SEM1: variants seen among roughly 807,000 people sequenced by gnomAD.
SEM1 encodes the protein SEM1 26S proteasome subunit.
SEM1 carries 3 observed loss-of-function variants against 12.7 expected under a neutral mutation model. The ratio of observed to expected loss-of-function variants is 0.24; its 90% CI spans 0.11 to 0.61. The LOEUF (loss-of-function observed/expected upper bound fraction) is 0.61. Ranked by LOEUF, SEM1 falls within the 20% of genes least tolerant of loss-of-function variation. SEM1 has a pLI of 0.88. For missense variants in SEM1, 59 were observed against 81.3 expected (o/e 0.73, Z 1.06); for synonymous variants, 30 against 27.8 (o/e 1.08, Z -0.25).
At chr7:96,709,577 A>G in intron 1 of SEM1, 111 bp downstream of exon 1, 1 of 961,612 alleles carries the variant, frequency 1.0e-6, no homozygotes, top group Non-Finnish European at 1.6e-6. Context: ...CGGCCCTGGG[A>G]GTCCAAACTT....
intron 2 of SEM1, among the ~76,000 whole-genome samples, chr7:96,580,330 T>G (rs1377260695): frequency 2.0e-5 from 3 of 148,098 alleles, no homozygotes; most frequent in African/African-American, 7.4e-5. Flanking sequence ...TAGTATTCCA[T>G]GGTGTATATG....
At chr7:96,481,997 C>CATT (rs1802560446) in exon 4 of SEM1, 1 of 152,116 alleles carries the variant, frequency 6.6e-6, no homozygotes, top group Admixed American at 6.6e-5. Context: ...GGATTCTTGG[C>CATT]ATTATTGAGA....
intron 2 of SEM1, among the ~76,000 whole-genome samples, chr7:96,608,904 T>A (rs930010472): frequency 9.2e-5 from 14 of 152,238 alleles, no homozygotes. Flanking sequence ...TTTTTGTGTG[T>A]ACAAATGTTT....
At chr7:96,669,521 C>T (rs1455726374), downstream of SEM1, among the ~76,000 whole-genome samples, 1 of 152,162 alleles carries the variant, frequency 6.6e-6, no homozygotes, top group Non-Finnish European at 1.5e-5. Flanking sequence ...TCTTAGGCCA[C>T]ACAAAAACAG....
At chr7:96,492,759 ATGTGTGTGTGTG>A (rs138520257) in intron 1 of SEM1, among the ~76,000 whole-genome samples, 8 of 142,992 alleles carry the variant, frequency 5.6e-5, no homozygotes, top group Admixed American at 3.6e-4. Context: ...AATAATATTC[ATGTGTGTGTGTG>A]TGTGTGTGTG....
chr7:96,618,169 T>C (rs1033470478), downstream of SEM1, among the ~76,000 whole-genome samples: 5 of 152,170 alleles, frequency 3.3e-5, no homozygotes, highest in African/African-American at 1.2e-4. Flanking sequence ...TTTTTGTTGT[T>C]GTTGGGAGAC....
intron 2 of SEM1, among the ~76,000 whole-genome samples, chr7:96,572,675 A>G (rs190101302): frequency 1.3e-5 from 2 of 152,178 alleles, no homozygotes; most frequent in East Asian, 1.9e-4. Context: ...ATTATTTTGC[A>G]TTTGCTGAGA....
intron 2 of SEM1, among the ~76,000 whole-genome samples, chr7:96,634,276 G>C (rs1808359848): frequency 6.6e-6 from 1 of 152,108 alleles, no homozygotes; most frequent in African/African-American, 2.4e-5. Context: ...ATATTAAAAT[G>C]TATGTGATAA....
intron 2 of SEM1, among the ~76,000 whole-genome samples, chr7:96,611,518 G>C (rs1478695667): frequency 1.3e-5 from 2 of 152,174 alleles, no homozygotes; most frequent in Admixed American, 1.3e-4. Context: ...GAGTGAAGAG[G>C]AAGGAGAAAC....
chr7:96,597,545 A>G (rs1354595791), intron 2 of SEM1, among the ~76,000 whole-genome samples: 2 of 152,098 alleles, frequency 1.3e-5, no homozygotes, highest in Non-Finnish European at 2.9e-5. Context: ...CACATAAAAT[A>G]CAGGTCACTA....
rs142630776 is a variant in SEM1, at chr7:96,573,109, GTTT to G, written c.171-66414_171-66412del. Among the ~76,000 whole-genome samples the G allele has an allele frequency of 5.5e-4, 75 of 135,980 alleles. 1 individual carries two copies. Among genetic ancestry groups the G allele is most frequent in the South Asian group, 1.6e-3 (7 of 4,384 alleles). 89.2% of individuals were successfully genotyped at this position (135,980 alleles called of 152,430 possible). A position where few individuals can be genotyped will look rare whatever the true frequency, so the allele number is the denominator to read the frequency against. On this transcript the variant is annotated intron_variant and NMD_transcript_variant, in intron 2 of 3. Transcript: ENST00000466986. ...ATCAGAGACTAGGATTGCAACCCCT[GTTT>G]TTTTTTTTTTTTCTTTCCATTTGCT...
At chr7:96,706,738 G>A (rs1047385907) in intron 1 of SEM1, among the ~76,000 whole-genome samples, 2 of 151,954 alleles carry the variant, frequency 1.3e-5, no homozygotes, top group African/African-American at 2.4e-5. Flanking sequence ...TCTATTAGTC[G>A]AACCACCAGT....
intron 2 of SEM1, among the ~76,000 whole-genome samples, chr7:96,567,858 G>T (rs1472768773): frequency 6.6e-6 from 1 of 150,696 alleles, no homozygotes; most frequent in Non-Finnish European, 1.5e-5. Context: ...AGCAATGTTG[G>T]ATTCTGTTGG....
chr7:96,680,310 TTC>T (rs1012320674), intron 2 of SEM1, among the ~76,000 whole-genome samples: 15 of 152,084 alleles, frequency 9.9e-5, no homozygotes, highest in Non-Finnish European at 4.4e-5. Context: ...TCTAAGTTGC[TTC>T]TGAGACAACC....
At chr7:96,550,348 T>A (rs1295859963) in intron 2 of SEM1, among the ~76,000 whole-genome samples, 1 of 152,210 alleles carries the variant, frequency 6.6e-6, no homozygotes, top group Non-Finnish European at 1.5e-5. Context: ...AGTACTATAT[T>A]ACTGAGCACT....
At chr7:96,703,060 G>C (rs1415018513) in intron 1 of SEM1, among the ~76,000 whole-genome samples, 1 of 152,246 alleles carries the variant, frequency 6.6e-6, no homozygotes, top group Non-Finnish European at 1.5e-5. Flanking sequence ...AAAGCTGAAA[G>C]TGATCTGTGG....
chr7:96,634,127 T>C (rs1374200278), intron 2 of SEM1, among the ~76,000 whole-genome samples: 3 of 152,136 alleles, frequency 2.0e-5, no homozygotes, highest in Non-Finnish European at 4.4e-5. Flanking sequence ...AGAGTCTTTA[T>C]GCTGAACCTA....
chr7:96,691,541 GTTAAATAGGA>G (rs1184532408), intron 2 of SEM1, among the ~76,000 whole-genome samples: 1 of 152,188 alleles, frequency 6.6e-6, no homozygotes, highest in Non-Finnish European at 1.5e-5. Flanking sequence ...CCTCTCCACT[GTTAAATAGGA>G]TTAGGACCAA....
chr7:96,552,241 G>C (rs1241760998), intron 2 of SEM1, among the ~76,000 whole-genome samples: 1 of 151,864 alleles, frequency 6.6e-6, no homozygotes, highest in African/African-American at 2.4e-5. Context: ...TGCACATTGT[G>C]CAGGTTAGTT....
Sources: allele counts gnomAD v4.1 joint callset (sites outside exome capture counted in the v4.1 genomes callset), GRCh38; gene constraint gnomAD v4.1.1; transcripts MANE v1.5; gene names NCBI Gene and HGNC (gene_info 2026-07-23, HGNC 2026-07-21).